XNDC1N: variants seen among roughly 807,000 people sequenced by gnomAD.
XNDC1N encodes protein XNDC1N.
chr11:71,905,337 A>T, the XNDC1N span, among the ~76,000 whole-genome samples: 1 of 151,790 alleles, frequency 6.6e-6, no homozygotes, highest in South Asian at 2.1e-4. Flanking sequence ...AGGATAACCC[A>T]TGTGATATTA....
At chr11:71,900,599 T>C in the XNDC1N span, among the ~76,000 whole-genome samples, 8 of 152,236 alleles carry the variant, frequency 5.3e-5, no homozygotes, top group African/African-American at 7.2e-5. Flanking sequence ...GACATCTCAC[T>C]CATGATAGCA....
the XNDC1N span, among the ~76,000 whole-genome samples, chr11:71,908,486 A>G: frequency 2.6e-5 from 4 of 152,098 alleles, no homozygotes; most frequent in Non-Finnish European, 5.9e-5. Flanking sequence ...GCATTGCGCC[A>G]TTCCACTCCT....
chr11:71,867,728 G>A, the XNDC1N span, among the ~76,000 whole-genome samples: 5 of 152,210 alleles, frequency 3.3e-5, no homozygotes, highest in East Asian at 9.6e-4. Context: ...TGATTTTAGA[G>A]TGTGTACCAT....
At chr11:71,916,238 G>C in the XNDC1N span, 1 of 702,628 alleles carries the variant, frequency 1.4e-6, no homozygotes, top group Non-Finnish European at 2.6e-6. Flanking sequence ...CCTGAGGCTG[G>C]AGCCAGGAAA....
chr11:71,917,541 G>A, the XNDC1N span: 12 of 703,594 alleles, frequency 1.7e-5, no homozygotes, highest in Middle Eastern at 2.3e-4. Flanking sequence ...ACACCTAATA[G>A]CACTCACAGT....
the XNDC1N span, chr11:71,917,839 G>C: frequency 2.9e-6 from 2 of 685,358 alleles, no homozygotes; most frequent in Non-Finnish European, 2.7e-6. Context: ...AAGGAATACG[G>C]TGGAAGGAGG....
At chr11:71,887,878 T>C in the XNDC1N span, among the ~76,000 whole-genome samples, 1 of 152,206 alleles carries the variant, frequency 6.6e-6, no homozygotes, top group African/African-American at 2.4e-5. Flanking sequence ...TGAAAGATGC[T>C]TTCTTTCCTA....
At chr11:71,875,819 A>G in the XNDC1N span, among the ~76,000 whole-genome samples, 2 of 152,194 alleles carry the variant, frequency 1.3e-5, no homozygotes, top group Non-Finnish European at 2.9e-5. Flanking sequence ...TGAGGCCAAG[A>G]GTTCAAGACC....
chr11:71,892,392 A>G, the XNDC1N span, among the ~76,000 whole-genome samples: 1 of 152,146 alleles, frequency 6.6e-6, no homozygotes, highest in Admixed American at 6.5e-5. Flanking sequence ...TACCTTATGA[A>G]TAATATCACA....
At chr11:71,867,273 G>C in the XNDC1N span, among the ~76,000 whole-genome samples, 6 of 152,168 alleles carry the variant, frequency 3.9e-5, no homozygotes, top group Non-Finnish European at 8.8e-5. Flanking sequence ...TAAGTAGAAG[G>C]TCCCCAGCCT....
the XNDC1N span, among the ~76,000 whole-genome samples, chr11:71,895,398 C>A: frequency 6.6e-6 from 1 of 151,814 alleles, no homozygotes; most frequent in African/African-American, 2.4e-5. Context: ...CAACTTCTGC[C>A]TCCCCTATTC....
At chr11:71,900,236 T>G in the XNDC1N span, among the ~76,000 whole-genome samples, 1 of 152,214 alleles carries the variant, frequency 6.6e-6, no homozygotes, top group Non-Finnish European at 1.5e-5. Flanking sequence ...CCAGTGCCGG[T>G]GCAGATCCTT....
the XNDC1N span, chr11:71,923,265 T>A: frequency 1.4e-6 from 1 of 702,234 alleles, no homozygotes; most frequent in South Asian, 1.5e-5. Context: ...TTTTCACTCC[T>A]TTCAGTTATT....
the XNDC1N span, among the ~76,000 whole-genome samples, chr11:71,896,667 G>C: frequency 2.6e-5 from 4 of 152,204 alleles, no homozygotes; most frequent in Admixed American, 6.5e-5. Flanking sequence ...GGGTTCAAGC[G>C]ATTCTCCTGC....
the XNDC1N span, among the ~76,000 whole-genome samples, chr11:71,892,165 A>G: frequency 1.3e-5 from 2 of 152,128 alleles, no homozygotes; most frequent in African/African-American, 4.8e-5. Flanking sequence ...ATATCTTCCT[A>G]GGGTATTACG....
At chr11:71,900,084 T>C in the XNDC1N span, among the ~76,000 whole-genome samples, 2 of 145,126 alleles carry the variant, frequency 1.4e-5, no homozygotes, top group African/African-American at 5.0e-5. Flanking sequence ...GTACCTTCCC[T>C]TGAACTTCAT....
the XNDC1N span, among the ~76,000 whole-genome samples, chr11:71,898,875 G>A: frequency 1.3e-5 from 2 of 151,888 alleles, no homozygotes; most frequent in African/African-American, 2.4e-5. Context: ...TGTTTATACT[G>A]GCCATTCTAT....
At chr11:71,867,558 T>C in the XNDC1N span, among the ~76,000 whole-genome samples, 1 of 152,204 alleles carries the variant, frequency 6.6e-6, no homozygotes, top group Non-Finnish European at 1.5e-5. Flanking sequence ...CCAAAAGTCA[T>C]TCAGGAGCAG....
chr11:71,881,459 A>T, the XNDC1N span, among the ~76,000 whole-genome samples: 1 of 152,140 alleles, frequency 6.6e-6, no homozygotes, highest in Non-Finnish European at 1.5e-5. Context: ...ACGTCAGCAC[A>T]TTTGGTTTCT....
Sources: gnomAD v4.1 joint callset for allele counts (sites outside exome capture counted in the v4.1 genomes callset) on GRCh38, gnomAD v4.1.1 for gene constraint, MANE v1.5 for transcripts, NCBI Gene and HGNC (gene_info 2026-07-23, HGNC 2026-07-21) for gene names.